NISCH: variants seen among roughly 807,000 people sequenced by gnomAD.
NISCH encodes the protein nischarin, also known as I-1 receptor candidate protein.
Under a neutral mutation model 138.4 loss-of-function variants are expected in NISCH, and 55 were observed. The ratio of observed to expected loss-of-function variants is 0.40; its 90% CI spans 0.32 to 0.50. The LOEUF is 0.50. Among genes scored for constraint, NISCH ranks in the 20% least tolerant of loss-of-function variants. The probability of loss-of-function intolerance (pLI) is 0.71; values close to 1 mark genes in which losing one functional copy is unlikely to be tolerated. For missense variants in NISCH, 1,643 were observed against 2,005.5 expected (o/e 0.82, Z 3.45); for synonymous variants, 860 against 861.5 (o/e 1.00, Z 0.03).
intron 3 of NISCH, among the ~76,000 whole-genome samples, chr3:52,462,657 C>T (rs1384489727): frequency 1.3e-5 from 2 of 152,038 alleles, no homozygotes; most frequent in African/African-American, 4.8e-5. Context: ...TTTTTTGAGA[C>T]GGAGTTTCGT....
At chr3:52,472,555 G>T (rs550331131) in intron 6 of NISCH, among the ~76,000 whole-genome samples, 157 bp downstream of exon 6, 1 of 152,200 alleles carries the variant, frequency 6.6e-6, no homozygotes, top group Non-Finnish European at 1.5e-5. Flanking sequence ...CTCTGAAGGC[G>T]GAGAAAGAGA....
intron 11 of NISCH, among the ~76,000 whole-genome samples, chr3:52,479,091 C>T (rs1707189501): frequency 6.6e-6 from 1 of 152,152 alleles, no homozygotes; most frequent in South Asian, 2.1e-4. Context: ...ATTTGTGTCC[C>T]ACCTCCCTCT....
At chr3:52,463,407 A>T (rs187571082) in intron 3 of NISCH, among the ~76,000 whole-genome samples, 1 of 152,224 alleles carries the variant, frequency 6.6e-6, no homozygotes, top group Non-Finnish European at 1.5e-5. Context: ...TGATGCTGCT[A>T]TGAGCATTTG....
intron 4 of NISCH, 104 bp from the exon 5 acceptor site, chr3:52,471,710 T>G: frequency 1.4e-6 from 2 of 1,390,374 alleles, no homozygotes; most frequent in South Asian, 1.2e-5. Context: ...CCTGACACAG[T>G]GGGTGCTTGC....
chr3:52,460,306 A>G (rs1462244433), intron 3 of NISCH, among the ~76,000 whole-genome samples: 1 of 151,432 alleles, frequency 6.6e-6, no homozygotes, highest in African/African-American at 2.4e-5. Flanking sequence ...CAGCTCCACC[A>G]TCATTATCCC....
At position 52,485,785 on chromosome 3, in the gene NISCH, C is replaced by T; in HGVS notation, c.1661C>T (p.Ser554Phe). ...TGTTTCTTTCTCCATCAGGCAGCTT[C>T]CGATGATTTAAGGGACGTGCCAGGA... ...LESIPAGQAA[S>F]DDLRDVPGAV... Residue 554 changes from serine to phenylalanine, a missense_variant, in exon 15 of 21, where the codon TCC (serine) becomes TTC (phenylalanine). By Grantham distance (155) the Ser-to-Phe change is radical. Coordinates refer to ENST00000345716, the MANE Select transcript of NISCH (RefSeq NM_007184.4). 6.3e-7 allele frequency: 1 copy of T among 1,582,292 alleles called. No homozygotes were observed.
intron 3 of NISCH, among the ~76,000 whole-genome samples, chr3:52,464,827 C>G (rs918682493): frequency 2.0e-5 from 3 of 151,928 alleles, no homozygotes; most frequent in African/African-American, 7.3e-5. Flanking sequence ...TCCGGCCTGC[C>G]CAGCTAATTT....
In NISCH at chr3:52,480,274, C is replaced by T. The variant is rs1472705990; in HGVS notation, c.1507C>T (p.Gln503Ter). The T allele has an allele frequency of 6.2e-7, 1 of 1,613,946 alleles. No homozygotes were observed. Among genetic ancestry groups the T allele is most frequent in the South Asian group, 1.1e-5 (1 of 91,088 alleles). ...TVAPASASLPQPILSNQGIMF... is the reference protein window; with the variant it reads ...TVAPASASLP ...GGCTCCCGCATCTGCCTCCCTGCCCCAGCCCATCCTCTCTAACCAAGGTAA... is the reference window on the plus strand; with the variant it reads ...GGCTCCCGCATCTGCCTCCCTGCCCTAGCCCATCCTCTCTAACCAAGGTAA... The change falls in exon 13 of 21, where the codon CAG (glutamine) becomes TAG (stop). Residue 503 changes from glutamine (Q) to a stop codon, truncating the protein, a stop_gained. Transcript: ENST00000345716. LOFTEE classifies it high-confidence loss of function.
In NISCH at chr3:52,470,343, A is replaced by G. The variant is rs376654238; in HGVS notation, c.361-516A>G. Among the ~76,000 whole-genome samples, 8 of 152,280 alleles carry G rather than the reference A, an allele frequency of 5.3e-5. No homozygotes were observed. In the East Asian group the frequency reaches 1.4e-3, roughly 26 times the overall value. On this transcript the variant is annotated intron_variant, in intron 3 of 20. Transcript: ENST00000345716. Reference sequence around the variant, plus strand: ...TGGAAGGGATGAACACAAGAAGAAAACAAGTGTTCACTCTTTTCCTGAGAC... The same window carrying G: ...TGGAAGGGATGAACACAAGAAGAAAGCAAGTGTTCACTCTTTTCCTGAGAC...
chr3:52,480,061 A>G, intron 12 of NISCH, 123 bp from the exon 13 acceptor site: 4 of 1,139,410 alleles, frequency 3.5e-6, no homozygotes, highest in Non-Finnish European at 3.9e-6. Flanking sequence ...CTCTAAGGAT[A>G]TGATGAGACC....
intron 5 of NISCH, 152 bp downstream of exon 5, chr3:52,472,129 T>C: frequency 9.6e-7 from 1 of 1,036,674 alleles, no homozygotes; most frequent in Non-Finnish European, 1.4e-6. Context: ...TGCTTCTGGC[T>C]GTGGGCACCA....
chr3:52,491,803 G>A (rs1707571170), intron 20 of NISCH, 69 bp from the exon 21 acceptor site: 1 of 1,514,064 alleles, frequency 6.6e-7, no homozygotes, highest in Non-Finnish European at 8.8e-7. Flanking sequence ...GTTGGCTTGG[G>A]GCCCTTGGTG....
intron 8 of NISCH, among the ~76,000 whole-genome samples, 179 bp from the exon 9 acceptor site, chr3:52,477,395 G>A (rs990288368): frequency 6.6e-6 from 1 of 152,344 alleles, no homozygotes; most frequent in East Asian, 1.9e-4. Flanking sequence ...CCCTGTGTGT[G>A]CCTTTGGATG....
intron 13 of NISCH, 50 bp from the exon 14 acceptor site, chr3:52,484,463 C>CT (rs1559639495): frequency 3.1e-5 from 9 of 289,546 alleles, no homozygotes; most frequent in East Asian, 9.6e-5. Flanking sequence ...CAGCCGCTCT[C>CT]CCCGCCCCAC....
intron 3 of NISCH, among the ~76,000 whole-genome samples, chr3:52,469,014 T>C (rs1409502827): frequency 2.0e-5 from 3 of 152,178 alleles, no homozygotes; most frequent in Admixed American, 2.0e-4. Context: ...GTTTACAACA[T>C]ATAAACCACC....
chr3:52,484,694 T>C, intron 14 of NISCH, 57 bp downstream of exon 14: 1 of 1,603,040 alleles, frequency 6.2e-7, no homozygotes, highest in South Asian at 1.1e-5. Context: ...CTCTTCTGCT[T>C]GGGGTTGTGT....
intron 17 of NISCH, 100 bp downstream of exon 17, chr3:52,489,778 T>A: frequency 3.3e-6 from 5 of 1,512,728 alleles, no homozygotes; most frequent in Non-Finnish European, 4.4e-6. Context: ...ACTTCCCTGA[T>A]GTCGGAGTCC....
At chr3:52,476,402 C>G (rs368704363) in intron 7 of NISCH, 45 bp from the exon 8 acceptor site, 1 of 1,604,218 alleles carries the variant, frequency 6.2e-7, no homozygotes, top group Non-Finnish European at 8.5e-7. Context: ...GTGAGTGTTG[C>G]GTGAGGGCCC....
At chr3:52,476,258 A>C in intron 7 of NISCH, 189 bp from the exon 8 acceptor site, 1 of 634,904 alleles carries the variant, frequency 1.6e-6, no homozygotes. Flanking sequence ...GTTATGTGGT[A>C]AATTGTTCAG....
Sources: allele counts gnomAD v4.1 joint callset (sites outside exome capture counted in the v4.1 genomes callset), GRCh38; gene constraint gnomAD v4.1.1; transcripts MANE v1.5; gene names NCBI Gene and HGNC (gene_info 2026-07-23, HGNC 2026-07-21).